Variants in SPTBN5 observed in about 807,000 individuals in gnomAD.
SPTBN5 encodes the protein spectrin beta, non-erythrocytic 5.
Under a neutral mutation model 477.6 loss-of-function variants are expected in SPTBN5, and 513 were observed. The observed-to-expected ratio is 1.07, with a 90% CI of 1.00 to 1.16. The LOEUF (loss-of-function observed/expected upper bound fraction) is 1.16, where lower values mean the gene tolerates loss of function less well. Ranked by LOEUF, SPTBN5 falls within the 50% of genes most tolerant of loss-of-function variation. The probability of loss-of-function intolerance (pLI) is 0.00; values close to 1 mark genes in which losing one functional copy is unlikely to be tolerated. For missense variants in SPTBN5, 5,062 were observed against 4,731.8 expected (o/e 1.07, Z -2.05); for synonymous variants, 2,169 against 2,011.7 (o/e 1.08, Z -2.09).
At chr15:41,861,665 G>T in intron 45 of SPTBN5, 70 bp downstream of exon 45, 1 of 1,506,396 alleles carries the variant, frequency 6.6e-7, no homozygotes, top group Non-Finnish European at 8.9e-7. Flanking sequence ...GCCTTGACCA[G>T]AGGCTGTGGG....
intron 49 of SPTBN5, 122 bp from the exon 50 acceptor site, chr15:41,857,832 G>C: frequency 8.1e-7 from 1 of 1,229,098 alleles, no homozygotes; most frequent in Non-Finnish European, 1.1e-6. Context: ...GCATGATCTT[G>C]AGCAACTTTC....
rs751518951 is a variant in SPTBN5 at position 41,866,046 on chromosome 15, G to A, written c.6814C>T (p.Gln2272Ter). 6.4e-7 allele frequency: 1 copy of A among 1,553,974 alleles called. No individual in the cohort carries two copies. The highest frequency in any genetic ancestry group is 8.7e-7 in the Non-Finnish European group (1 of 1,149,170). Residue 2272 changes from glutamine to a stop codon, truncating the protein, a stop_gained, in exon 38 of 68, where the codon CAG becomes TAG. Coordinates refer to ENST00000320955, the MANE Select transcript of SPTBN5 (RefSeq NM_016642.4). LOFTEE classifies it high-confidence loss of function. ...QRVDLAEAWI[Q>*]EKEVKMNVGD... ...CCCAGCTGGGGCTACACCTTCTCCT[G>A]GATCCAGGCCTCTGCAAGGTCCACT...
At position 41,849,907 on chromosome 15, in the gene SPTBN5, CTCAT is replaced by C. The variant is rs1265157656; in HGVS notation, c.10970_10973del (p.Asn3657SerfsTer40). 16 of 1,595,040 alleles carry C rather than the reference CTCAT, an allele frequency of 1.0e-5. No individual in the cohort carries two copies. Among genetic ancestry groups the C allele is most frequent in the East Asian group, 9.1e-5 (4 of 44,122 alleles). On this transcript the variant is annotated frameshift_variant, in exon 67 of 68. Coordinates refer to ENST00000320955, the MANE Select transcript of SPTBN5 (RefSeq NM_016642.4). LOFTEE classifies it low-confidence loss of function (END_TRUNC). Reference sequence around the variant, plus strand: ...CAGGCCGGGCATCCTTGGTCGTGCACTCATTCAGAGAGCTGACAGGTTTGGCTTT... The same window carrying C: ...CAGGCCGGGCATCCTTGGTCGTGCACTCAGAGAGCTGACAGGTTTGGCTTT...
chr15:41,885,361 T>C (rs1567229765), intron 7 of SPTBN5, among the ~76,000 whole-genome samples: 1 of 152,204 alleles, frequency 6.6e-6, no homozygotes, highest in Non-Finnish European at 1.5e-5. Context: ...CCACATGCTA[T>C]GAATTTTTCT....
intron 36 of SPTBN5, 169 bp from the exon 37 acceptor site, chr15:41,866,662 G>T: frequency 1.2e-6 from 1 of 849,590 alleles, no homozygotes; most frequent in Non-Finnish European, 1.7e-6. Flanking sequence ...GCAGGAGGCA[G>T]CCGGGCAGGG....
Position 41,853,464 on chromosome 15 carries a change from G to A in SPTBN5, c.9981-17C>T, listed in dbSNP as rs77259747. On this transcript the variant is annotated splice_polypyrimidine_tract_variant and intron_variant, in intron 58 of 67. Transcript: ENST00000320955. Reference sequence around the variant, plus strand: ...GCCCATGCTCTGTGGGGCAGGGAAGGGAGCTGTTGTCAGGGCTGGCTGGGG... The same window carrying A: ...GCCCATGCTCTGTGGGGCAGGGAAGAGAGCTGTTGTCAGGGCTGGCTGGGG... 5.3e-3 allele frequency: 8,317 copies of A among 1,557,276 alleles called. 395 individuals are homozygous for A. In the African/African-American group the frequency reaches 0.1, roughly 19 times the overall value.
chr15:41,891,799 C>T lies in SPTBN5; in HGVS notation c.384+1095G>A, dbSNP rs114191637. 2.1e-3 allele frequency among the ~76,000 whole-genome samples: 316 copies of T among 152,286 alleles called. 1 individual carries two copies. The highest frequency in any genetic ancestry group is 7.1e-3 in the African/African-American group (297 of 41,548). ...GCATCCCTCATTCTGCCACACATTCCCTGTGTGTTTGCGGCAACTCCGTCA... is the reference window on the plus strand; with the variant it reads ...GCATCCCTCATTCTGCCACACATTCTCTGTGTGTTTGCGGCAACTCCGTCA... On this transcript the variant is annotated intron_variant, in intron 3 of 67. Coordinates refer to ENST00000320955, the MANE Select transcript of SPTBN5 (RefSeq NM_016642.4).
chr15:41,860,319 C>T (rs1225964778), intron 47 of SPTBN5, among the ~76,000 whole-genome samples: 2 of 152,242 alleles, frequency 1.3e-5, no homozygotes, highest in Admixed American at 6.5e-5. Context: ...TCCTCTTGGT[C>T]TCCTAGCATA....
chr15:41,870,248 G>C lies in SPTBN5; in HGVS notation c.5668C>G (p.Arg1890Gly), dbSNP rs766132561. Reference sequence around the variant, plus strand: ...AGGCAGCCAGCTGGGCTCACCTGCCGCTCGGTGCCCACGAGTTCTCGCTCC... The same window carrying C: ...AGGCAGCCAGCTGGGCTCACCTGCCCCTCGGTGCCCACGAGTTCTCGCTCC... The part of the protein sequence containing the change: ...GLERELVGTE[R>G]QLQELLETAG... The change falls in exon 31 of 68, where the codon CGG (arginine) becomes GGG (glycine). Residue 1890 changes from arginine (R) to glycine (G), a missense_variant. Transcript: ENST00000320955. 6.5e-7 allele frequency: 1 copy of C among 1,549,290 alleles called. No individual in the cohort carries two copies. The highest frequency in any genetic ancestry group is 1.2e-5 in the South Asian group (1 of 84,004).
At chr15:41,872,278 T>C (rs1475833736) in intron 27 of SPTBN5, 24 bp downstream of exon 27, 1 of 1,603,600 alleles carries the variant, frequency 6.2e-7, no homozygotes, top group East Asian at 2.2e-5. Context: ...TACCCACTGA[T>C]GAGAGGGGTT....
intron 47 of SPTBN5, 63 bp downstream of exon 47, chr15:41,860,523 C>G (rs1050900561): frequency 1.5e-6 from 2 of 1,325,338 alleles, no homozygotes; most frequent in East Asian, 3.1e-5. Flanking sequence ...AAGGGAAGAA[C>G]CGGGATGCCA....
Position 41,855,731 on chromosome 15 carries a change from T to C in SPTBN5, c.9036A>G (p.Gly3012=). The C allele has an allele frequency of 1.9e-6, 3 of 1,583,950 alleles. No individual in the cohort carries two copies. Among genetic ancestry groups the C allele is most frequent in the Non-Finnish European group, 2.6e-6 (3 of 1,165,422 alleles). The part of the protein sequence containing the change: ...QQFLTELLEA[G]SWLAERGHVL... ...CATGGCCCCGCTCAGCCAGCCAGGA[T>C]CCCGCCTCCAGGAGCTGGGGGTGAC... The change falls in exon 54 of 68, where the codon GGA becomes GGG. Residue 3012 remains glycine, a synonymous_variant. Coordinates refer to ENST00000320955, the MANE Select transcript of SPTBN5 (RefSeq NM_016642.4).
At position 41,866,473 on chromosome 15, in the gene SPTBN5, C is replaced by A. The variant is rs763920798; in HGVS notation, c.6501G>T (p.Ala2167=). 5 of 1,582,228 alleles carry A rather than the reference C, an allele frequency of 3.2e-6. No individual in the cohort carries two copies. Among genetic ancestry groups the A allele is most frequent in the South Asian group, 1.2e-5 (1 of 86,564 alleles). Residue 2167 remains alanine (A), a synonymous_variant, in exon 37 of 68, where the codon GCG becomes GCT. Transcript: ENST00000320955. ...AATQAEDWIQ[A]WAQQLKEPVP... ...CCGGCTCCTTCAGCTGCTGGGCCCA[C>A]GCCTGGATCCAGTCCTCAGCCTGGT...
chr15:41,853,945 A>G, intron 57 of SPTBN5, 105 bp downstream of exon 57: 1 of 1,454,940 alleles, frequency 6.9e-7, no homozygotes, highest in Non-Finnish European at 9.1e-7. Context: ...GGGTTTCTGG[A>G]GAAGAGGCTG....
In SPTBN5 at chr15:41,874,018, G is replaced by C; in HGVS notation, c.4717C>G (p.Gln1573Glu). The C allele has an allele frequency of 1.9e-6, 3 of 1,600,422 alleles. No homozygotes were observed. The highest frequency in any genetic ancestry group is 2.5e-6 in the Non-Finnish European group (3 of 1,179,134). The change falls in exon 25 of 68, where the codon CAG (glutamine) becomes GAG (glutamate). Residue 1573 changes from glutamine (Q) to glutamate (E), a missense_variant. Transcript: ENST00000320955. ...KELQVEVKAH[Q>E]GQVQRVLSSG... ...CTCAGCACCCGTTGCACCTGCCCCT[G>C]GTGAGCTTTTACCTCCACCTGGAGC... is the stretch of plus-strand genomic sequence containing the variant.
Position 41,858,846 on chromosome 15 carries a change from CT to C in SPTBN5, c.8079+43del, listed in dbSNP as rs769122465. 30 of 1,548,262 alleles carry C rather than the reference CT, an allele frequency of 1.9e-5. No homozygotes were observed. In the African/African-American group the frequency reaches 3.5e-4, roughly 18 times the overall value. On this transcript the variant is annotated intron_variant, in intron 48 of 67. Transcript: ENST00000320955. ...GAAGGGTGGCCTTTCCCTGGGTCGACTCCTTCCCCACCATGACCGCCTCCCT... is the reference window on the plus strand; with the variant it reads ...GAAGGGTGGCCTTTCCCTGGGTCGACCCTTCCCCACCATGACCGCCTCCCT...
chr15:41,861,088 C>G (rs2066090086), intron 46 of SPTBN5, among the ~76,000 whole-genome samples: 1 of 152,254 alleles, frequency 6.6e-6, no homozygotes, highest in Non-Finnish European at 1.5e-5. Flanking sequence ...TTACACTCGT[C>G]TGCTTCAGGG....
Position 41,874,433 on chromosome 15 carries a change from C to A in SPTBN5, c.4548G>T (p.Leu1516=). The change falls in exon 24 of 68, where the codon CTG becomes CTT. Residue 1516 remains leucine (L), a synonymous_variant. Coordinates refer to ENST00000320955, the MANE Select transcript of SPTBN5 (RefSeq NM_016642.4). ...QGHLAIRGLQ[L]QASVELHQFC... ...ACTGGTGCAGCTCCACTGAGGCCTG[C>A]AGCTGCAGGCCCCGGATGGCCAGAT... 1 of 1,612,658 alleles carries A rather than the reference C, an allele frequency of 6.2e-7. No homozygotes were observed. The highest frequency in any genetic ancestry group is 8.5e-7 in the Non-Finnish European group (1 of 1,179,606).
chr15:41,858,798 C>T, intron 48 of SPTBN5, 50 bp from the exon 49 acceptor site: 2 of 1,579,968 alleles, frequency 1.3e-6, no homozygotes, highest in African/African-American at 2.7e-5. Context: ...TCCCCTTCCC[C>T]TGACCTCTGG....
Sources: allele counts gnomAD v4.1 joint callset (sites outside exome capture counted in the v4.1 genomes callset), GRCh38; gene constraint gnomAD v4.1.1; transcripts MANE v1.5; gene names NCBI Gene and HGNC (gene_info 2026-07-23, HGNC 2026-07-21).